The following PARD3 variants were observed in gnomAD, a reference collection of about 807,000 sequenced individuals.
PARD3 encodes the protein partitioning defective 3 homolog.
A neutral mutation model predicts 155.4 loss-of-function variants in PARD3; 75 were observed. The observed-to-expected ratio is 0.48, with a 90% CI of 0.40 to 0.58. The LOEUF is 0.58. PARD3 is among the 20% of genes least tolerant of loss of function. The pLI is 0.00. For missense variants in PARD3, 1,642 were observed against 1,721.7 expected (o/e 0.95, Z 0.82); for synonymous variants, 576 against 610.5 (o/e 0.94, Z 0.83).
rs550109119 is a variant in PARD3, at chr10:34,812,492, C to A, written c.120+2384G>T. On this transcript the variant is annotated intron_variant, in intron 1 of 24. Transcript: ENST00000374788. ...CAGTGTTAAATACATATTAACACTT[C>A]CTCATCACTTAATATAGAATGGGAA... 7.9e-4 allele frequency among the ~76,000 whole-genome samples: 120 copies of A among 152,278 alleles called. 1 individual carries two copies. The South Asian group carries it at 0.023, about 29-fold the overall frequency.
At chr10:34,268,927 TAAA>T (rs1335392764) in intron 22 of PARD3, among the ~76,000 whole-genome samples, 1 of 151,866 alleles carries the variant, frequency 6.6e-6, no homozygotes, top group Non-Finnish European at 1.5e-5. Context: ...TAAAGTATAA[TAAA>T]AAATAAATAA....
chr10:34,650,145 G>C (rs552875362), intron 2 of PARD3, among the ~76,000 whole-genome samples: 1 of 152,282 alleles, frequency 6.6e-6, no homozygotes, highest in African/African-American at 2.4e-5. Context: ...ACAATAAAAA[G>C]TACAGTAAAT....
chr10:34,428,270 T>C (rs2075726004), intron 5 of PARD3, among the ~76,000 whole-genome samples: 1 of 152,224 alleles, frequency 6.6e-6, no homozygotes, highest in East Asian at 1.9e-4. Flanking sequence ...TGAATAAGCC[T>C]AGTCGTAAGA....
intron 16 of PARD3, among the ~76,000 whole-genome samples, chr10:34,341,208 A>G (rs575921021): frequency 6.6e-6 from 1 of 152,090 alleles, no homozygotes; most frequent in South Asian, 2.1e-4. Flanking sequence ...AAACACTTTA[A>G]AAAAAGCCTC....
intron 2 of PARD3, among the ~76,000 whole-genome samples, chr10:34,594,532 G>T (rs1176240899): frequency 6.6e-6 from 1 of 151,508 alleles, no homozygotes; most frequent in Non-Finnish European, 1.5e-5. Context: ...CAAGAATGGA[G>T]TAAGTGATGC....
chr10:34,804,029 GTTTTT>G (rs1375999517), intron 1 of PARD3, among the ~76,000 whole-genome samples: 1 of 129,342 alleles, frequency 7.7e-6, no homozygotes, highest in East Asian at 2.1e-4. Flanking sequence ...TACTTGATTT[GTTTTT>G]GTTTTTTTTT....
In PARD3 at chr10:34,131,386, T is replaced by C. The variant is rs544058383; in HGVS notation, c.3540+77A>G. ...CCATCTTGTCTCGTTTCATAGAGCA[T>C]TGAGGTCATAGCTTAGTGGCCTTTG... On this transcript the variant is annotated intron_variant, in intron 23 of 24. Coordinates refer to ENST00000374788, the MANE Select transcript of PARD3 (RefSeq NM_001184785.2). 235 of 1,533,784 alleles carry C rather than the reference T, an allele frequency of 1.5e-4. 1 individual carries two copies. The African/African-American group carries it at 2.4e-3, about 16-fold the overall frequency.
At chr10:34,517,246 G>A in intron 2 of PARD3, 87 bp from the exon 3 acceptor site, 1 of 1,219,516 alleles carries the variant, frequency 8.2e-7, no homozygotes, top group South Asian at 1.5e-5. Flanking sequence ...TAATTCTACA[G>A]TGCAAAAATA....
chr10:34,573,420 G>A (rs1043770773), intron 2 of PARD3, among the ~76,000 whole-genome samples: 3 of 151,456 alleles, frequency 2.0e-5, no homozygotes, highest in African/African-American at 7.3e-5. Context: ...ACACAGAATC[G>A]AGCAGGTGCA....
At chr10:34,489,416 T>A (rs976683927) in intron 3 of PARD3, among the ~76,000 whole-genome samples, 2 of 152,212 alleles carry the variant, frequency 1.3e-5, no homozygotes, top group South Asian at 4.1e-4. Flanking sequence ...TTGAAAAGCT[T>A]TATTTTCTAC....
intron 1 of PARD3, among the ~76,000 whole-genome samples, chr10:34,710,514 T>C (rs1329086536): frequency 6.6e-6 from 1 of 152,222 alleles, no homozygotes; most frequent in African/African-American, 2.4e-5. Context: ...CACATCTTGC[T>C]ACATTTATCT....
intron 2 of PARD3, among the ~76,000 whole-genome samples, chr10:34,693,087 A>G (rs1255222828): frequency 6.6e-6 from 1 of 152,246 alleles, no homozygotes; most frequent in African/African-American, 2.4e-5. Flanking sequence ...AAAAATTAAA[A>G]GTCAAAAAAT....
At chr10:34,113,416 A>G (rs1946493394) in intron 24 of PARD3, among the ~76,000 whole-genome samples, 1 of 152,126 alleles carries the variant, frequency 6.6e-6, no homozygotes, top group African/African-American at 2.4e-5. Flanking sequence ...TTTTCTTCAA[A>G]TTAATCAGTA....
At chr10:34,608,606 C>T (rs2090649076) in intron 2 of PARD3, among the ~76,000 whole-genome samples, 1 of 145,446 alleles carries the variant, frequency 6.9e-6, no homozygotes, top group Non-Finnish European at 1.5e-5. Context: ...CCGATCTTGG[C>T]TCACTGCAAC....
At chr10:34,545,331 T>C (rs946925757) in intron 2 of PARD3, among the ~76,000 whole-genome samples, 3 of 152,188 alleles carry the variant, frequency 2.0e-5, no homozygotes, top group Non-Finnish European at 4.4e-5. Context: ...ACAGATAACC[T>C]GGGAGTAGAG....
Position 34,448,166 on chromosome 10 carries a change from C to CGTGT in PARD3, c.714+2150_714+2151insACAC, listed in dbSNP as rs1564725579. Among the ~76,000 whole-genome samples the CGTGT allele has an allele frequency of 1.7e-3, 205 of 122,676 alleles. 1 individual carries two copies. Among genetic ancestry groups the CGTGT allele is most frequent in the African/African-American group, 6.9e-3 (197 of 28,520 alleles). The allele number at this position is 122,676 out of a possible 152,430, so 80.5% of individuals were successfully genotyped here. Reference sequence around the variant, plus strand: ...GTGTGTGTGTGTGTGTGTGTGTGTACACATAAATGTATAAAATGGAATATT... The same window carrying CGTGT: ...GTGTGTGTGTGTGTGTGTGTGTGTACGTGTACATAAATGTATAAAATGGAATATT... On this transcript the variant is annotated intron_variant, in intron 5 of 24. Coordinates refer to ENST00000374788, the MANE Select transcript of PARD3 (RefSeq NM_001184785.2).
intron 2 of PARD3, among the ~76,000 whole-genome samples, chr10:34,581,867 T>G (rs2087525514): frequency 6.6e-6 from 1 of 152,216 alleles, no homozygotes; most frequent in Non-Finnish European, 1.5e-5. Flanking sequence ...CAATCCCTCT[T>G]GTGTCTAAAA....
chr10:34,388,335 A>G (rs183051660), intron 7 of PARD3, among the ~76,000 whole-genome samples: 1 of 152,200 alleles, frequency 6.6e-6, no homozygotes. Context: ...TTGCAAAGGA[A>G]TGGGAATGAA....
chr10:34,164,801 C>T (rs957553566), intron 22 of PARD3, among the ~76,000 whole-genome samples: 1 of 152,188 alleles, frequency 6.6e-6, no homozygotes, highest in African/African-American at 2.4e-5. Context: ...TGGACGCACA[C>T]ACATACACAC....
Sources: allele counts gnomAD v4.1 joint callset (sites outside exome capture counted in the v4.1 genomes callset), GRCh38; gene constraint gnomAD v4.1.1; transcripts MANE v1.5; gene names NCBI Gene and HGNC (gene_info 2026-07-23, HGNC 2026-07-21).